NRXN3: variants seen among roughly 807,000 people sequenced by gnomAD.
NRXN3 encodes neurexin 3.
NRXN3 carries 32 observed loss-of-function variants against 137.6 expected under a neutral mutation model. The observed-to-expected ratio is 0.23, with a 90% CI of 0.18 to 0.31. The LOEUF is 0.31. Ranked by LOEUF, NRXN3 falls within the 10% of genes least tolerant of loss-of-function variation. The pLI is 1.00. For synonymous variants in NRXN3, 798 were observed against 784.5 expected (o/e 1.02, Z -0.29); for missense variants, 1,574 against 2,062.5 (o/e 0.76, Z 4.59).
intron 2 of NRXN3, among the ~76,000 whole-genome samples, chr14:78,253,096 C>A (rs572745566): frequency 2.0e-5 from 3 of 152,252 alleles, no homozygotes; most frequent in Non-Finnish European, 4.4e-5. Context: ...CCTTGAAAGA[C>A]AAATCCTCCC....
intron 19 of NRXN3, among the ~76,000 whole-genome samples, chr14:79,719,911 T>A (rs1326021673): frequency 1.3e-5 from 2 of 152,160 alleles, no homozygotes; most frequent in Non-Finnish European, 2.9e-5. Flanking sequence ...CTTAGAATAG[T>A]GTCTGTTGCA....
At chr14:78,628,069 T>C (rs2097484436) in intron 4 of NRXN3, among the ~76,000 whole-genome samples, 2 of 148,508 alleles carry the variant, frequency 1.3e-5, no homozygotes, top group Admixed American at 1.4e-4. Flanking sequence ...CATTGCAGAG[T>C]TCTTTTTTTT....
intron 16 of NRXN3, among the ~76,000 whole-genome samples, chr14:79,479,642 C>A (rs1831870012): frequency 6.6e-6 from 1 of 151,998 alleles, no homozygotes; most frequent in African/African-American, 2.4e-5. Context: ...AGAATTTTGG[C>A]TAAAGCAGCA....
intron 10 of NRXN3, among the ~76,000 whole-genome samples, chr14:78,852,366 A>G (rs2099044980): frequency 6.6e-6 from 1 of 152,224 alleles, no homozygotes; most frequent in Admixed American, 6.5e-5. Context: ...GATAATTAAC[A>G]ATGATTATAA....
rs1181486079 is a variant in NRXN3, at chr14:79,642,303, C to A, written c.3445-21475C>A. On this transcript the variant is annotated intron_variant, in intron 16 of 20. Coordinates refer to ENST00000335750, the MANE Select transcript of NRXN3 (RefSeq NM_001330195.2). Reference sequence around the variant, plus strand: ...ATTGAACCCCTGGCCATGTGGTATCCCCACAGCTCTTCTTCTGAAATCCCA... The same window carrying A: ...ATTGAACCCCTGGCCATGTGGTATCACCACAGCTCTTCTTCTGAAATCCCA... Among the ~76,000 whole-genome samples the A allele has an allele frequency of 1.5e-5, 2 of 135,244 alleles. 1 individual carries two copies. Among genetic ancestry groups the A allele is most frequent in the Non-Finnish European group, 3.4e-5 (2 of 58,162 alleles). The allele number at this position is 135,244 out of a possible 152,430, so 88.7% of individuals were successfully genotyped here.
At chr14:78,488,702 A>T (rs1377572637) in intron 4 of NRXN3, among the ~76,000 whole-genome samples, 1 of 151,592 alleles carries the variant, frequency 6.6e-6, no homozygotes. Context: ...AAGATGAAAG[A>T]AAGAGGGAGA....
At chr14:78,435,352 C>A (rs1234036727) in intron 4 of NRXN3, among the ~76,000 whole-genome samples, 3 of 152,088 alleles carry the variant, frequency 2.0e-5, no homozygotes, top group African/African-American at 7.2e-5. Flanking sequence ...GTCCTTATTT[C>A]CTTTTTACCA....
At chr14:79,531,858 A>T (rs1171279063) in intron 16 of NRXN3, among the ~76,000 whole-genome samples, 3 of 152,208 alleles carry the variant, frequency 2.0e-5, no homozygotes, top group Non-Finnish European at 4.4e-5. Flanking sequence ...AAAGCAACTG[A>T]AGTTACTAAG....
chr14:79,270,603 T>C (rs1429917923), intron 15 of NRXN3, among the ~76,000 whole-genome samples: 1 of 152,126 alleles, frequency 6.6e-6, no homozygotes, highest in Non-Finnish European at 1.5e-5. Flanking sequence ...CATGATTCCA[T>C]GAATCATGTA....
intron 10 of NRXN3, among the ~76,000 whole-genome samples, chr14:78,902,600 C>T (rs946601026): frequency 1.4e-4 from 22 of 151,862 alleles, no homozygotes; most frequent in African/African-American, 4.8e-4. Context: ...AATTCTAAAA[C>T]ATTTTTTCTT....
intron 15 of NRXN3, among the ~76,000 whole-genome samples, chr14:79,436,474 G>C (rs1441499491): frequency 6.6e-6 from 1 of 152,142 alleles, no homozygotes; most frequent in East Asian, 1.9e-4. Context: ...TTCTTGAGCT[G>C]TTTGTAACTA....
chr14:78,811,397 TTG>T (rs902723335), intron 10 of NRXN3, among the ~76,000 whole-genome samples: 18 of 151,962 alleles, frequency 1.2e-4, no homozygotes, highest in African/African-American at 4.3e-4. Flanking sequence ...GCTTGGGTGG[TTG>T]TGCAGTAGGT....
chr14:79,768,435 C>G (rs899591532), intron 19 of NRXN3, among the ~76,000 whole-genome samples: 7 of 152,206 alleles, frequency 4.6e-5, no homozygotes, highest in African/African-American at 1.7e-4. Context: ...TGAGAACGGG[C>G]AGACTGCCTC....
intron 1 of NRXN3, among the ~76,000 whole-genome samples, chr14:78,174,414 AG>A (rs1298558040): frequency 6.6e-6 from 1 of 152,054 alleles, no homozygotes; most frequent in Non-Finnish European, 1.5e-5. Flanking sequence ...GTTAGTTGGG[AG>A]GATGGAACAA....
chr14:78,530,025 G>C (rs2096437704), intron 4 of NRXN3, among the ~76,000 whole-genome samples: 1 of 152,152 alleles, frequency 6.6e-6, no homozygotes, highest in Non-Finnish European at 1.5e-5. Context: ...TTAATTCCAA[G>C]TTTGGCATCT....
intron 4 of NRXN3, among the ~76,000 whole-genome samples, chr14:78,523,132 G>T (rs1178440192): frequency 3.3e-5 from 5 of 152,184 alleles, no homozygotes; most frequent in Non-Finnish European, 7.3e-5. Context: ...TCTAAACTCT[G>T]TATAGATATT....
At chr14:79,423,286 A>G in intron 15 of NRXN3, among the ~76,000 whole-genome samples, 1 of 152,300 alleles carries the variant, frequency 6.6e-6, no homozygotes, top group South Asian at 2.1e-4. Flanking sequence ...TAGAAATAGG[A>G]ATAGTCTTTC....
chr14:78,290,850 GATCTCAT>G (rs991055950), intron 3 of NRXN3, among the ~76,000 whole-genome samples: 7 of 152,162 alleles, frequency 4.6e-5, no homozygotes, highest in Non-Finnish European at 8.8e-5. Context: ...CTGGCCTGAT[GATCTCAT>G]ACATGACAGT....
intron 15 of NRXN3, among the ~76,000 whole-genome samples, chr14:79,224,247 C>G (rs1032850995): frequency 6.6e-6 from 1 of 152,124 alleles, no homozygotes; most frequent in African/African-American, 2.4e-5. Flanking sequence ...TGGTTGTCAG[C>G]TAACTGTGCT....
Sources: allele counts gnomAD v4.1 joint callset (sites outside exome capture counted in the v4.1 genomes callset), GRCh38; gene constraint gnomAD v4.1.1; transcripts MANE v1.5; gene names NCBI Gene and HGNC (gene_info 2026-07-23, HGNC 2026-07-21).